Variants in FLNB observed in about 807,000 individuals in gnomAD.
The protein encoded by FLNB is filamin-B.
A neutral mutation model predicts 250.6 loss-of-function variants in FLNB; 111 were observed. The ratio of observed to expected loss-of-function variants is 0.44; its 90% CI spans 0.38 to 0.52. FLNB has a LOEUF of 0.52. Among genes scored for constraint, FLNB ranks in the 20% least tolerant of loss-of-function variants. FLNB has a pLI of 0.00. For missense variants in FLNB, 2,869 were observed against 3,447.8 expected, an observed-to-expected ratio of 0.83 and a Z score of 4.20; for synonymous variants, 1,302 against 1,372.1, an observed-to-expected ratio of 0.95 and a Z score of 1.13.
At position 58,170,962 on chromosome 3, in the gene FLNB, C is replaced by T. The variant is rs9880144; in HGVS notation, c.*200C>T. On this transcript the variant is annotated 3_prime_UTR_variant, in exon 46 of 46. Coordinates refer to ENST00000295956, the MANE Select transcript of FLNB (RefSeq NM_001457.4). ...ATTGGAGAATCTTAAGAAATGCAAGCTTGTTCAGGGGGCTGAGAAGATCCT... is the reference window on the plus strand; with the variant it reads ...ATTGGAGAATCTTAAGAAATGCAAGTTTGTTCAGGGGGCTGAGAAGATCCT... 7.7e-3 allele frequency: 4,496 copies of T among 586,056 alleles called. 147 individuals carry two copies. The highest frequency in any genetic ancestry group is 0.073 in the African/African-American group (3,914 of 53,758). The allele number at this position is 586,056 out of a possible 1,614,324, so 36.3% of individuals were successfully genotyped here. A position where few individuals can be genotyped will look rare whatever the true frequency, so the allele number is the denominator to read the frequency against.
intron 9 of FLNB, among the ~76,000 whole-genome samples, chr3:58,102,719 A>T (rs2097253106): frequency 6.6e-6 from 1 of 152,278 alleles, no homozygotes; most frequent in Non-Finnish European, 1.5e-5. Context: ...CTGGAATTCA[A>T]GCACAGTCTC....
chr3:58,061,098 TAAAC>T (rs2097177884), intron 1 of FLNB, among the ~76,000 whole-genome samples: 1 of 152,190 alleles, frequency 6.6e-6, no homozygotes, highest in South Asian at 2.1e-4. Flanking sequence ...ACTAGCGATT[TAAAC>T]AAACAGGTGA....
chr3:58,067,362 A>C (rs1271946616), intron 1 of FLNB, among the ~76,000 whole-genome samples: 1 of 152,194 alleles, frequency 6.6e-6, no homozygotes, highest in Admixed American at 6.5e-5. Flanking sequence ...GTGATGGATA[A>C]AAATTAATTC....
At chr3:58,024,001 T>C (rs2097118811) in intron 1 of FLNB, among the ~76,000 whole-genome samples, 1 of 152,212 alleles carries the variant, frequency 6.6e-6, no homozygotes, top group South Asian at 2.1e-4. Context: ...TTGGGCAGCT[T>C]GGTTCACCCT....
intron 32 of FLNB, among the ~76,000 whole-genome samples, chr3:58,144,866 C>G (rs2097333297): frequency 6.6e-6 from 1 of 152,246 alleles, no homozygotes; most frequent in Non-Finnish European, 1.5e-5. Flanking sequence ...TGAGACCACA[C>G]AACTTTCCCT....
chr3:58,009,126 G>A (rs950162198), intron 1 of FLNB, among the ~76,000 whole-genome samples: 6 of 152,210 alleles, frequency 3.9e-5, no homozygotes, highest in Non-Finnish European at 7.3e-5. Flanking sequence ...GTCACAGGAG[G>A]AGAGGTGGAG....
At position 58,083,239 on chromosome 3, in the gene FLNB, CTTT is replaced by C. The variant is rs71091340; in HGVS notation, c.787+1479_787+1481del. Reference sequence around the variant, plus strand: ...TTTCATGCTAAATAATTTCCCCAAACTTTTTTTTTTTTTTTTTTAAATGACACT... The same window carrying C: ...TTTCATGCTAAATAATTTCCCCAAACTTTTTTTTTTTTTTTAAATGACACT... On this transcript the variant is annotated intron_variant, in intron 4 of 45. Transcript: ENST00000295956. 3.1e-3 allele frequency among the ~76,000 whole-genome samples: 424 copies of C among 136,446 alleles called. 6 individuals are homozygous for C. The highest frequency in any genetic ancestry group is 5.2e-3 in the Non-Finnish European group (334 of 64,206). The allele number at this position is 136,446 out of a possible 152,430, so 89.5% of individuals were successfully genotyped here.
intron 20 of FLNB, 136 bp downstream of exon 20, chr3:58,121,639 G>A (rs1029573150): frequency 1.9e-5 from 22 of 1,128,818 alleles, no homozygotes; most frequent in Non-Finnish European, 2.6e-5. Context: ...ACTGTGAAAG[G>A]TCCCCTGGGT....
Position 58,142,835 on chromosome 3 carries a change from G to C in FLNB, c.5284+83G>C. 1 of 1,217,608 alleles carries C rather than the reference G, an allele frequency of 8.2e-7. No homozygotes were observed. Among genetic ancestry groups the C allele is most frequent in the Non-Finnish European group, 1.2e-6 (1 of 827,812 alleles). 75.4% of individuals were successfully genotyped at this position (1,217,608 alleles called of 1,614,324 possible). Reference sequence around the variant, plus strand: ...ATGGTGCTGGGGAGGTGTGTCCACTGTCCCCCAGACCCAGGCTCCTTAACC... The same window carrying C: ...ATGGTGCTGGGGAGGTGTGTCCACTCTCCCCCAGACCCAGGCTCCTTAACC... On this transcript the variant is annotated intron_variant, in intron 31 of 45. Coordinates refer to ENST00000295956, the MANE Select transcript of FLNB (RefSeq NM_001457.4). This position sits in a 1 kb window ranked among gnomAD's most constrained non-coding sequence, Gnocchi z 4.3.
At chr3:58,086,446 G>A (rs1289107863) in intron 4 of FLNB, among the ~76,000 whole-genome samples, 4 of 130,172 alleles carry the variant, frequency 3.1e-5, no homozygotes, top group Non-Finnish European at 6.3e-5. Context: ...CAAAGTTTCA[G>A]GTATTTATTT....
intron 8 of FLNB, among the ~76,000 whole-genome samples, chr3:58,101,479 A>C (rs2097251154): frequency 6.6e-6 from 1 of 152,222 alleles, no homozygotes; most frequent in Non-Finnish European, 1.5e-5. Flanking sequence ...GGACATTTCA[A>C]GTAAGGCATA....
Position 58,109,241 on chromosome 3 carries a change from C to T in FLNB, c.2118C>T (p.Cys706=), listed in dbSNP as rs1178379813. Residue 706 remains cysteine (C), a synonymous_variant, in exon 14 of 46, where the codon TGC becomes TGT. Transcript: ENST00000295956. The part of the protein sequence containing the change: ...MKNRMDGTYA[C]SYTPVKAIKH... ...ACCGGATGGACGGCACATATGCATG[C>T]TCATACACCCCGGTGAAGGCCATCA... is the stretch of plus-strand genomic sequence containing the variant. 20 of 1,614,110 alleles carry T rather than the reference C, an allele frequency of 1.2e-5. No homozygotes were observed. The highest frequency in any genetic ancestry group is 1.7e-5 in the Non-Finnish European group (20 of 1,180,052).
rs553692182 is a variant in FLNB, at chr3:58,148,229, G to A, written c.5752G>A (p.Val1918Met). The change falls in exon 35 of 46, where the codon GTG becomes ATG. Residue 1918 changes from valine (V) to methionine (M), a missense_variant. Physicochemically the swap from Val to Met is conservative, Grantham distance 21. This residue lies in a region of FLNB where 1,084 missense variants were observed against 1,315.5 expected (regional missense o/e 0.82). Transcript: ENST00000295956. ...AGATGACAGCAGGCGGTGCTCCCAG[G>A]TGAAGTTGGGCTCAGCCGCTGACTT... ...ITDDSRRCSQ[V>M]KLGSAADFLL... 1 of 1,614,224 alleles carries A rather than the reference G, an allele frequency of 6.2e-7. No homozygotes were observed. The highest frequency in any genetic ancestry group is 1.3e-5 in the African/African-American group (1 of 75,058).
intron 9 of FLNB, 123 bp from the exon 10 acceptor site, chr3:58,103,836 C>G: frequency 5.1e-6 from 6 of 1,167,794 alleles, no homozygotes; most frequent in Non-Finnish European, 7.7e-6. Context: ...CTGGGGCAGC[C>G]CACTTGGTTT....
chr3:58,112,451 C>T (rs2097270496), intron 18 of FLNB, 133 bp downstream of exon 18: 1 of 894,222 alleles, frequency 1.1e-6, no homozygotes, highest in African/African-American at 1.6e-5. Flanking sequence ...GGAGGCAGCT[C>T]CTGGCACTTT....
chr3:58,141,928 G>A lies in FLNB; in HGVS notation c.5180G>A (p.Trp1727Ter). The stretch of plus-strand genomic sequence containing the variant: ...GCATGTCCCCCTGGATTCAGGCCCT[G>A]GGTACAATTTTGGTTTTTTCCTTTT... ...VNACPPGFRP[W>*]VTEEAYVPVS... Residue 1727 changes from tryptophan (W) to a stop codon, truncating the protein, a stop_gained and splice_region_variant, in exon 30 of 46, where the codon TGG (tryptophan) becomes TAG (stop). Coordinates refer to ENST00000295956, the MANE Select transcript of FLNB (RefSeq NM_001457.4). LOFTEE classifies it high-confidence loss of function. 1 of 1,613,932 alleles carries A rather than the reference G, an allele frequency of 6.2e-7. No individual in the cohort carries two copies. The highest frequency in any genetic ancestry group is 8.5e-7 in the Non-Finnish European group (1 of 1,179,846).
At chr3:58,034,850 C>CCACACCT (rs2097135849) in intron 1 of FLNB, among the ~76,000 whole-genome samples, 1 of 152,132 alleles carries the variant, frequency 6.6e-6, no homozygotes. Context: ...CAGCCACACC[C>CCACACCT]CACACCTCCC....
intron 1 of FLNB, among the ~76,000 whole-genome samples, chr3:58,055,942 T>C (rs1354111503): frequency 2.0e-5 from 3 of 152,110 alleles, no homozygotes; most frequent in Admixed American, 1.3e-4. Context: ...GCATAAAGGA[T>C]AGTTTGTGCT....
Position 58,148,768 on chromosome 3 carries a change from C to G in FLNB, c.6007C>G (p.Arg2003Gly). ...GGTCCAGTCGGAGATTGGTGACGCC[C>G]GCCGAGCCAAAGTCTATGGCCGCGG... is the stretch of plus-strand genomic sequence containing the variant. Reference protein sequence around the residue: ...MVVQSEIGDARRAKVYGRGLS... With the variant: ...MVVQSEIGDAGRAKVYGRGLS... The change falls in exon 36 of 46, where the codon CGC (arginine) becomes GGC (glycine). Residue 2003 changes from arginine (R) to glycine (G), a missense_variant. Physicochemically the swap from Arg to Gly is moderately radical, Grantham distance 125 (BLOSUM62 -2). Around this residue, in one of 5 missense-constraint regions of FLNB, gnomAD observed 1,084 missense variants for 1,315.5 expected, o/e 0.82. Transcript: ENST00000295956. 1 of 1,614,062 alleles carries G rather than the reference C, an allele frequency of 6.2e-7. No individual in the cohort carries two copies. The highest frequency in any genetic ancestry group is 1.1e-5 in the South Asian group (1 of 91,058).
Sources: allele counts gnomAD v4.1 joint callset (sites outside exome capture counted in the v4.1 genomes callset), GRCh38; gene constraint gnomAD v4.1.1; regional missense constraint gnomAD v4.1.1; non-coding constraint Gnocchi (gnomAD v3.1); transcripts MANE v1.5; gene names NCBI Gene and HGNC (gene_info 2026-07-23, HGNC 2026-07-21).